The following EYA4 variants were observed in gnomAD, a reference collection of about 807,000 sequenced individuals.
EYA4 encodes protein phosphatase EYA4.
A neutral mutation model predicts 87.9 loss-of-function variants in EYA4; 31 were observed. The ratio of observed to expected loss-of-function variants is 0.35; its 90% CI spans 0.27 to 0.48. The LOEUF is 0.48. Ranked by LOEUF, EYA4 falls within the 20% of genes least tolerant of loss-of-function variation. The pLI is 0.99. For missense variants in EYA4, 678 were observed against 761.4 expected (o/e 0.89, Z 1.29); for synonymous variants, 263 against 270.6 (o/e 0.97, Z 0.28).
At chr6:133,256,170 T>A (rs1775317853) in intron 1 of EYA4, among the ~76,000 whole-genome samples, 1 of 151,226 alleles carries the variant, frequency 6.6e-6, no homozygotes, top group Non-Finnish European at 1.5e-5. Context: ...ATGATTAGGA[T>A]AAATAATTCT....
At chr6:133,499,419 A>C (rs1797919280) in intron 13 of EYA4, among the ~76,000 whole-genome samples, 1 of 152,106 alleles carries the variant, frequency 6.6e-6, no homozygotes. Flanking sequence ...GCCATGTACT[A>C]CCACTGTAAT....
At chr6:133,351,986 A>C (rs756120146) in intron 2 of EYA4, among the ~76,000 whole-genome samples, 1 of 119,012 alleles carries the variant, frequency 8.4e-6, no homozygotes, top group Non-Finnish European at 1.7e-5. Flanking sequence ...TGTGTTAAAG[A>C]AAAAAAAAAA....
intron 2 of EYA4, among the ~76,000 whole-genome samples, chr6:133,289,697 T>A (rs1003240820): frequency 2.0e-5 from 3 of 152,160 alleles, no homozygotes. Flanking sequence ...AATTTGACAA[T>A]AGAGTCAGAC....
intron 18 of EYA4, 46 bp downstream of exon 18, chr6:133,523,223 T>G (rs1800342687): frequency 6.3e-7 from 1 of 1,595,586 alleles, no homozygotes; most frequent in Non-Finnish European, 8.6e-7. Flanking sequence ...TCCACATCTG[T>G]GTGTCTCTGC....
At chr6:133,308,679 C>T (rs1268813698) in intron 2 of EYA4, among the ~76,000 whole-genome samples, 1 of 152,120 alleles carries the variant, frequency 6.6e-6, no homozygotes, top group African/African-American at 2.4e-5. Context: ...TTTTCTGTTA[C>T]TGTGTTAATT....
At chr6:133,350,112 T>C (rs1199211070) in intron 2 of EYA4, among the ~76,000 whole-genome samples, 1 of 152,146 alleles carries the variant, frequency 6.6e-6, no homozygotes, top group Non-Finnish European at 1.5e-5. Context: ...TTCTCTTGTT[T>C]GCTCTTCATT....
intron 2 of EYA4, among the ~76,000 whole-genome samples, chr6:133,365,838 A>C (rs932405719): frequency 1.1e-4 from 16 of 152,248 alleles, no homozygotes; most frequent in African/African-American, 2.9e-4. Flanking sequence ...GGTTAGCTGC[A>C]TATGAAGGGC....
intron 2 of EYA4, among the ~76,000 whole-genome samples, chr6:133,277,673 C>T (rs1340845855): frequency 6.6e-6 from 1 of 152,224 alleles, no homozygotes; most frequent in Non-Finnish European, 1.5e-5. Context: ...CACAGGTCCA[C>T]ACACTCAGCA....
intron 5 of EYA4, among the ~76,000 whole-genome samples, chr6:133,449,018 TTATTTG>T (rs1793142621): frequency 6.6e-6 from 1 of 152,252 alleles, no homozygotes; most frequent in South Asian, 2.1e-4. Context: ...AATATGCTCA[TTATTTG>T]TATTTGTATA....
intron 13 of EYA4, among the ~76,000 whole-genome samples, chr6:133,505,274 G>A (rs1798497025): frequency 6.6e-6 from 1 of 152,060 alleles, no homozygotes; most frequent in African/African-American, 2.4e-5. Flanking sequence ...CTTGATGCTA[G>A]GCCTTCAGCT....
At chr6:133,309,149 A>G (rs1027548722) in intron 2 of EYA4, among the ~76,000 whole-genome samples, 22 of 152,120 alleles carry the variant, frequency 1.4e-4, no homozygotes, top group African/African-American at 4.1e-4. Context: ...TTGCTATGCT[A>G]TTGTCCAATA....
intron 3 of EYA4, among the ~76,000 whole-genome samples, chr6:133,412,950 T>C (rs1789371254): frequency 6.6e-6 from 1 of 152,190 alleles, no homozygotes; most frequent in South Asian, 2.1e-4. Flanking sequence ...ACACCTCTCT[T>C]ACACTCCCTT....
intron 2 of EYA4, among the ~76,000 whole-genome samples, chr6:133,296,655 A>G (rs1401801968): frequency 1.3e-5 from 2 of 152,090 alleles, no homozygotes; most frequent in African/African-American, 4.8e-5. Flanking sequence ...GGGAGGGAAG[A>G]TGGGAAAAAA....
intron 17 of EYA4, among the ~76,000 whole-genome samples, chr6:133,520,154 G>C (rs1272897012): frequency 6.6e-6 from 1 of 152,090 alleles, no homozygotes; most frequent in East Asian, 1.9e-4. Context: ...GCAGGAGAAA[G>C]AAAGAAAGGG....
At chr6:133,468,235 T>C (rs921669838) in intron 10 of EYA4, among the ~76,000 whole-genome samples, 1 of 152,056 alleles carries the variant, frequency 6.6e-6, no homozygotes, top group Non-Finnish European at 1.5e-5. Flanking sequence ...TTCCATCTCC[T>C]TCTTTCCTCT....
intron 3 of EYA4, 76 bp from the exon 4 acceptor site, chr6:133,446,554 T>A (rs1562431378): frequency 2.1e-5 from 32 of 1,540,724 alleles, no homozygotes; most frequent in Non-Finnish European, 2.9e-5. Flanking sequence ...ACGTGGTCAA[T>A]AGAATAATAT....
chr6:133,476,805 T>C (rs1795780071), intron 11 of EYA4, among the ~76,000 whole-genome samples: 2 of 152,116 alleles, frequency 1.3e-5, no homozygotes, highest in African/African-American at 4.8e-5. Context: ...GTTCCGTTTT[T>C]AGGAACTTCC....
At chr6:133,258,877 TA>T (rs1775565063) in intron 1 of EYA4, among the ~76,000 whole-genome samples, 1 of 152,144 alleles carries the variant, frequency 6.6e-6, no homozygotes, top group Non-Finnish European at 1.5e-5. Flanking sequence ...AAGAATAATT[TA>T]GTCTCCAACA....
chr6:133,315,673 G>A (rs10485232), intron 2 of EYA4, among the ~76,000 whole-genome samples: 48,595 of 151,926 alleles, frequency 0.32, 8,035 homozygotes, highest in Middle Eastern at 0.44. Context: ...CCTTGAAATA[G>A]AAGTAAAAAT....
Sources: gnomAD v4.1 joint callset for allele counts (sites outside exome capture counted in the v4.1 genomes callset) on GRCh38, gnomAD v4.1.1 for gene constraint, MANE v1.5 for transcripts, NCBI Gene and HGNC (gene_info 2026-07-23, HGNC 2026-07-21) for gene names.